PTK2: variants seen among roughly 807,000 people sequenced by gnomAD.
The protein encoded by PTK2 is protein tyrosine kinase 2, also known as focal adhesion kinase 1.
PTK2 carries 45 observed loss-of-function variants against 150.1 expected under a neutral mutation model. That is an observed-to-expected ratio of 0.30 (90% CI 0.24 to 0.38). The LOEUF is 0.38. Among genes scored for constraint, PTK2 ranks in the 10% least tolerant of loss-of-function variants. PTK2 has a pLI of 1.00. For missense variants in PTK2, 919 were observed against 1,307.3 expected (o/e 0.70, Z 4.58); for synonymous variants, 432 against 449.2 (o/e 0.96, Z 0.48).
intron 5 of PTK2, among the ~76,000 whole-genome samples, chr8:140,863,788 C>T (rs2100137675): frequency 2.0e-5 from 3 of 152,096 alleles, no homozygotes; most frequent in African/African-American, 4.8e-5. Flanking sequence ...TCTGCATTCC[C>T]GGTCCAGAAT....
rs373720241 is a variant in PTK2 at position 140,675,454 on chromosome 8, C to T, written c.2602+6G>A. On this transcript the variant is annotated splice_donor_region_variant and intron_variant, in intron 28 of 31. Transcript: ENST00000522684. ...CTTCTTTCCGCCCAATTCTTTTCTT[C>T]TTTACCTGGTTTACCCACAGGCTGA... The T allele has an allele frequency of 1.8e-4, 297 of 1,612,606 alleles. No homozygotes were observed. The highest frequency in any genetic ancestry group is 1.5e-3 in the Admixed American group (89 of 59,988).
chr8:140,725,981 G>T (rs2100045534), intron 22 of PTK2, among the ~76,000 whole-genome samples: 1 of 151,804 alleles, frequency 6.6e-6, no homozygotes, highest in African/African-American at 2.4e-5. Flanking sequence ...GGGTATAAAA[G>T]AAAATTTATT....
At chr8:140,993,421 T>C (rs2100196483) in intron 1 of PTK2, among the ~76,000 whole-genome samples, 1 of 152,204 alleles carries the variant, frequency 6.6e-6, no homozygotes, top group Non-Finnish European at 1.5e-5. Context: ...GTTCTTTCAT[T>C]TACTCATTCA....
chr8:140,958,767 A>G (rs930414194), intron 1 of PTK2, among the ~76,000 whole-genome samples: 14 of 152,386 alleles, frequency 9.2e-5, no homozygotes, highest in Admixed American at 6.5e-4. Flanking sequence ...TAAATACAAA[A>G]TATTAATTTA....
chr8:140,958,288 G>A (rs549999549), intron 1 of PTK2, among the ~76,000 whole-genome samples: 1 of 152,102 alleles, frequency 6.6e-6, no homozygotes, highest in Admixed American at 6.5e-5. Context: ...ACAGGTCTGT[G>A]CCACCATACC....
intron 4 of PTK2, among the ~76,000 whole-genome samples, chr8:140,874,776 AT>A (rs1179358188): frequency 1.3e-5 from 2 of 152,222 alleles, no homozygotes; most frequent in Non-Finnish European, 2.9e-5. Flanking sequence ...TAATACTGTT[AT>A]TAACTTAAGC....
At chr8:140,769,581 C>T in intron 14 of PTK2, 2 of 1,361,872 alleles carry the variant, frequency 1.5e-6, no homozygotes, top group Non-Finnish European at 1.9e-6. Flanking sequence ...TTACCGTCCC[C>T]ACTAATTTCA....
chr8:140,727,578 G>A (rs908874510), intron 22 of PTK2, among the ~76,000 whole-genome samples: 1 of 150,996 alleles, frequency 6.6e-6, no homozygotes. Flanking sequence ...ATACAAAATC[G>A]CTTAAAAAAA....
chr8:140,726,656 C>T (rs1013610139), intron 22 of PTK2, among the ~76,000 whole-genome samples: 5 of 152,044 alleles, frequency 3.3e-5, no homozygotes, highest in Admixed American at 2.0e-4. Context: ...AAATTCCTAT[C>T]AACAAAGTTA....
In PTK2 at chr8:140,702,773, C is replaced by A. The variant is rs941298183; in HGVS notation, c.2230-66G>T. The A allele has an allele frequency of 5.4e-5, 82 of 1,506,836 alleles. No individual in the cohort carries two copies. In the African/African-American group the frequency reaches 1.0e-3, roughly 19 times the overall value. The allele number at this position is 1,506,836 out of a possible 1,614,324, so 93.3% of individuals were successfully genotyped here. On this transcript the variant is annotated intron_variant, in intron 24 of 31. Transcript: ENST00000522684. ...CATCTGCACAGTTCTGCTTCACACA[C>A]AAAGGAAACTAAAATTACAGAGAAT... is the stretch of plus-strand genomic sequence containing the variant.
chr8:140,736,862 T>C (rs1197323932), intron 21 of PTK2, among the ~76,000 whole-genome samples: 1 of 152,214 alleles, frequency 6.6e-6, no homozygotes, highest in Non-Finnish European at 1.5e-5. Context: ...AATTGATGAC[T>C]TGAAGAAAGG....
intron 1 of PTK2, among the ~76,000 whole-genome samples, chr8:140,932,237 T>C (rs2100172092): frequency 6.6e-6 from 1 of 152,190 alleles, no homozygotes. Context: ...TTTTCTTTTT[T>C]TGAGATAAAG....
chr8:140,992,775 A>G (rs936873156), intron 1 of PTK2, among the ~76,000 whole-genome samples: 5 of 152,328 alleles, frequency 3.3e-5, no homozygotes, highest in African/African-American at 9.6e-5. Context: ...ACCTGAGTGA[A>G]TGTATTTTGA....
chr8:140,989,674 C>A (rs550445718), intron 1 of PTK2, among the ~76,000 whole-genome samples: 50 of 152,032 alleles, frequency 3.3e-4, no homozygotes, highest in Non-Finnish European at 6.5e-4. Context: ...TTTGGGAGGC[C>A]GAGGCGGGCG....
chr8:140,751,617 G>A (rs1044749128), intron 17 of PTK2, among the ~76,000 whole-genome samples: 5 of 151,676 alleles, frequency 3.3e-5, no homozygotes, highest in African/African-American at 7.3e-5. Context: ...TCAGTCTCCT[G>A]AGTAGCTGGG....
At chr8:140,803,196 A>G (rs947211208) in intron 11 of PTK2, among the ~76,000 whole-genome samples, 2 of 151,212 alleles carry the variant, frequency 1.3e-5, no homozygotes, top group Admixed American at 6.6e-5. Flanking sequence ...TGTATTTTTA[A>G]TAGAGACAGG....
chr8:140,695,016 C>T (rs183650303), intron 26 of PTK2, among the ~76,000 whole-genome samples: 5 of 152,334 alleles, frequency 3.3e-5, no homozygotes, highest in South Asian at 4.1e-4. Context: ...GCATCTCCAG[C>T]GCAGACCACC....
chr8:140,987,462 T>C (rs2100193722), intron 1 of PTK2, among the ~76,000 whole-genome samples: 1 of 152,214 alleles, frequency 6.6e-6, no homozygotes, highest in Non-Finnish European at 1.5e-5. Context: ...ATTATAGGCA[T>C]CAGCCACGGT....
At chr8:140,943,129 G>T (rs1358740054) in intron 1 of PTK2, among the ~76,000 whole-genome samples, 1 of 152,094 alleles carries the variant, frequency 6.6e-6, no homozygotes, top group East Asian at 1.9e-4. Flanking sequence ...CCAGTCTTGG[G>T]TATTTCTTTA....
Sources: gnomAD v4.1 joint callset for allele counts (sites outside exome capture counted in the v4.1 genomes callset) on GRCh38, gnomAD v4.1.1 for gene constraint, MANE v1.5 for transcripts, NCBI Gene and HGNC (gene_info 2026-07-23, HGNC 2026-07-21) for gene names.